The following TRMT1L variants were observed in gnomAD, a reference collection of about 807,000 sequenced individuals.
The protein encoded by TRMT1L is tRNA methyltransferase 1L.
TRMT1L carries 28 observed loss-of-function variants against 81.6 expected under a neutral mutation model. The ratio of observed to expected loss-of-function variants is 0.34; its 90% CI spans 0.25 to 0.47. The LOEUF (loss-of-function observed/expected upper bound fraction) is 0.47. Among genes scored for constraint, TRMT1L ranks in the 20% least tolerant of loss-of-function variants. The pLI, the probability that TRMT1L is intolerant of heterozygous loss-of-function variation, is 1.00. For missense variants in TRMT1L, 739 were observed against 877.1 expected (o/e 0.84, Z 1.99); for synonymous variants, 301 against 303.2 (o/e 0.99, Z 0.07).
At chr1:185,151,006 C>T (rs989060184) in intron 2 of TRMT1L, among the ~76,000 whole-genome samples, 16 of 152,272 alleles carry the variant, frequency 1.1e-4, no homozygotes, top group Admixed American at 7.8e-4. Context: ...TGTTCTGAGA[C>T]GGGGCGCATA....
chr1:185,120,084 C>A lies in TRMT1L; in HGVS notation c.2137G>T (p.Val713Leu). Residue 713 changes from valine (V) to leucine (L), a missense_variant, in exon 15 of 15, where the codon GTA (valine) becomes TTA (leucine). Physicochemically the swap from Val to Leu is conservative, Grantham distance 32. Coordinates refer to ENST00000367506, the MANE Select transcript of TRMT1L (RefSeq NM_030934.5). The stretch of plus-strand genomic sequence containing the variant: ...ACTGACATTTCAACTCTTTCAGTTA[C>A]TGTATCTTCAGATGCTGACTGGACA... ...SHVQSASEDT[V>L]TERVEMSVND... 1 of 1,614,028 alleles carries A rather than the reference C, an allele frequency of 6.2e-7. No individual in the cohort carries two copies. Among genetic ancestry groups the A allele is most frequent in the South Asian group, 1.1e-5 (1 of 91,080 alleles).
intron 1 of TRMT1L, among the ~76,000 whole-genome samples, chr1:185,153,880 A>G (rs970566943): frequency 6.6e-6 from 1 of 152,194 alleles, no homozygotes; most frequent in African/African-American, 2.4e-5. Context: ...TCAATTCTTG[A>G]TATTAGCACC....
chr1:185,133,844 G>C (rs971374453), intron 10 of TRMT1L, among the ~76,000 whole-genome samples: 1 of 151,896 alleles, frequency 6.6e-6, no homozygotes, highest in Non-Finnish European at 1.5e-5. Context: ...AGAAACTATG[G>C]GATAATAAAT....
Position 185,145,522 on chromosome 1 carries a change from G to A in TRMT1L, c.572C>T (p.Ala191Val). Residue 191 changes from alanine to valine, a missense_variant, in exon 5 of 15, where the codon GCA becomes GTA. Transcript: ENST00000367506. ...GAHYHCIICS[A>V]TITRRTDMLG... ...CATATCAGTTCTTCTGGTGATTGTT[G>A]CTGAACAAATGATACAATGATAATG... 6.2e-7 allele frequency: 1 copy of A among 1,611,922 alleles called. No homozygotes were observed. The highest frequency in any genetic ancestry group is 2.2e-5 in the East Asian group (1 of 44,758).
Position 185,120,157 on chromosome 1 carries a change from A to G in TRMT1L, c.2064T>C (p.Leu688=), listed in dbSNP as rs1571339755. 6.2e-7 allele frequency: 1 copy of G among 1,613,986 alleles called. No homozygotes were observed. Among genetic ancestry groups the G allele is most frequent in the Non-Finnish European group, 8.5e-7 (1 of 1,179,938 alleles). The change falls in exon 15 of 15, where the codon CTT becomes CTC. Residue 688 remains leucine (L), a synonymous_variant. Transcript: ENST00000367506. ...TGTAGGTGGGGGTGCTGTACTTTAA[A>G]AGGATAGATTTAAACTGCATCAGAG... The part of the protein sequence containing the change: ...DAPLMQFKSI[L]LKYSTPTYTG...
intron 3 of TRMT1L, among the ~76,000 whole-genome samples, chr1:185,147,542 T>C (rs1053540597): frequency 6.6e-6 from 1 of 152,178 alleles, no homozygotes; most frequent in Non-Finnish European, 1.5e-5. Context: ...ATCTTTGGGA[T>C]TCAGCTTTAT....
At chr1:185,128,944 G>GCACA (rs1167189563) in intron 10 of TRMT1L, among the ~76,000 whole-genome samples, 197 bp from the exon 11 acceptor site, 1 of 151,744 alleles carries the variant, frequency 6.6e-6, no homozygotes, top group East Asian at 1.9e-4. Flanking sequence ...ACATATATGT[G>GCACA]CACACACACA....
At chr1:185,131,031 G>A (rs1475584197) in intron 10 of TRMT1L, among the ~76,000 whole-genome samples, 1 of 151,580 alleles carries the variant, frequency 6.6e-6, no homozygotes, top group Admixed American at 6.6e-5. Flanking sequence ...AGACAGTCTC[G>A]CTTTGTTGCC....
chr1:185,148,340 C>T (rs1293593782), intron 3 of TRMT1L, among the ~76,000 whole-genome samples: 6 of 152,154 alleles, frequency 3.9e-5, no homozygotes, highest in Admixed American at 6.5e-5. Flanking sequence ...GGTCCTAATG[C>T]ACTGTTCTCC....
intron 10 of TRMT1L, among the ~76,000 whole-genome samples, chr1:185,135,168 T>C (rs1460669615): frequency 6.6e-6 from 1 of 152,110 alleles, no homozygotes; most frequent in Non-Finnish European, 1.5e-5. Context: ...GTAATCCTAG[T>C]GCTTTGGGAG....
chr1:185,120,035 C>A lies in TRMT1L; in HGVS notation c.2186G>T (p.Gly729Val), dbSNP rs752911882. 3 of 1,613,622 alleles carry A rather than the reference C, an allele frequency of 1.9e-6. No homozygotes were observed. The highest frequency in any genetic ancestry group is 1.7e-5 in the Admixed American group (1 of 59,998). Residue 729 changes from glycine to valine, a missense_variant, in exon 15 of 15, where the codon GGC (glycine) becomes GTC (valine). By Grantham distance (109) the Gly-to-Val change is moderately radical. Coordinates refer to ENST00000367506, the MANE Select transcript of TRMT1L (RefSeq NM_030934.5). ...TCTCTACGTTTACCATCTTCTGCAG[C>A]CACTTGCTTCTGCTTTGTCATTCAC... is the stretch of plus-strand genomic sequence containing the variant. ...MSVNDKAEAS[G>V]CRRW
intron 5 of TRMT1L, among the ~76,000 whole-genome samples, chr1:185,145,159 G>A (rs1653155949): frequency 6.6e-6 from 1 of 151,752 alleles, no homozygotes; most frequent in Non-Finnish European, 1.5e-5. Flanking sequence ...TGTAAAAGCT[G>A]TCACTGGGAA....
chr1:185,119,896 G>T lies in TRMT1L; in HGVS notation c.*123C>A. 1 of 1,217,998 alleles carries T rather than the reference G, an allele frequency of 8.2e-7. No homozygotes were observed. The highest frequency in any genetic ancestry group is 1.1e-6 in the Non-Finnish European group (1 of 900,872). The allele number at this position is 1,217,998 out of a possible 1,614,324, so 75.4% of individuals were successfully genotyped here. A position where few individuals can be genotyped will look rare whatever the true frequency, so the allele number is the denominator to read the frequency against. The stretch of plus-strand genomic sequence containing the variant: ...GTTAGAAACTGCTCAGTTTCTGAAT[G>T]AAAATGACACTGTTTTTTATTTTTA... On this transcript the variant is annotated 3_prime_UTR_variant, in exon 15 of 15. Coordinates refer to ENST00000367506, the MANE Select transcript of TRMT1L (RefSeq NM_030934.5).
At chr1:185,124,583 G>C (rs1445715990) in intron 12 of TRMT1L, among the ~76,000 whole-genome samples, 1 of 151,794 alleles carries the variant, frequency 6.6e-6, no homozygotes, top group Non-Finnish European at 1.5e-5. Flanking sequence ...CAGCTACACA[G>C]GAGGTTGAGG....
At position 185,140,144 on chromosome 1, in the gene TRMT1L, AC is replaced by A; in HGVS notation, c.937del (p.Val313Ter). ...VTINDLNENS[V>X]TLIQENCHLN... Reference sequence around the variant, plus strand: ...ATGGCAGTTTTCCTGAATCAGTGTCACAGAATTTTCATTCAAGTCATTGATT... The same window carrying A: ...ATGGCAGTTTTCCTGAATCAGTGTCAAGAATTTTCATTCAAGTCATTGATT... On this transcript the variant is annotated frameshift_variant, in exon 8 of 15. Coordinates refer to ENST00000367506, the MANE Select transcript of TRMT1L (RefSeq NM_030934.5). LOFTEE classifies it high-confidence loss of function. The A allele has an allele frequency of 6.2e-7, 1 of 1,613,850 alleles. No individual in the cohort carries two copies. Among genetic ancestry groups the A allele is most frequent in the Non-Finnish European group, 8.5e-7 (1 of 1,179,870 alleles).
intron 7 of TRMT1L, among the ~76,000 whole-genome samples, chr1:185,141,910 C>G (rs1653060943): frequency 6.6e-6 from 1 of 152,034 alleles, no homozygotes. Context: ...GCAAGACAAA[C>G]TGGAGGAGAG....
chr1:185,149,506 G>C (rs141057415), intron 3 of TRMT1L, among the ~76,000 whole-genome samples: 18 of 152,024 alleles, frequency 1.2e-4, no homozygotes, highest in African/African-American at 3.9e-4. Context: ...GTCTTACTAT[G>C]TTGCTCAGGC....
intron 11 of TRMT1L, among the ~76,000 whole-genome samples, chr1:185,126,964 T>C (rs1235049068): frequency 6.6e-6 from 1 of 152,216 alleles, no homozygotes; most frequent in Non-Finnish European, 1.5e-5. Flanking sequence ...GCCACTGCAC[T>C]TCAGCCTGGG....
intron 3 of TRMT1L, 73 bp from the exon 4 acceptor site, chr1:185,147,319 TTA>T: frequency 8.5e-7 from 1 of 1,169,884 alleles, no homozygotes; most frequent in Non-Finnish European, 1.3e-6. Context: ...TAAGCAAGTT[TTA>T]TTTTATAAGA....
Sources: gnomAD v4.1 joint callset for allele counts (sites outside exome capture counted in the v4.1 genomes callset) on GRCh38, gnomAD v4.1.1 for gene constraint, MANE v1.5 for transcripts, NCBI Gene and HGNC (gene_info 2026-07-23, HGNC 2026-07-21) for gene names.